Variants in MRPL30 observed in about 807,000 individuals in gnomAD.
The protein encoded by MRPL30 is mitochondrial ribosomal protein L30, also known as large ribosomal subunit protein uL30m.
In MRPL30, 10 loss-of-function variants were observed where a neutral mutation model predicts 17.2. That is an observed-to-expected ratio of 0.58 (90% confidence interval 0.36 to 0.99). The LOEUF (loss-of-function observed/expected upper bound fraction) is 0.99, where lower values mean the gene tolerates loss of function less well. MRPL30 is among the 50% of genes least tolerant of loss of function. The pLI, the probability that MRPL30 is intolerant of heterozygous loss-of-function variation, is 0.01. For missense variants in MRPL30, 170 were observed against 189.8 expected, an observed-to-expected ratio of 0.90 and a Z score of 0.61; for synonymous variants, 61 against 62.1, an observed-to-expected ratio of 0.98 and a Z score of 0.08.
In MRPL30 at chr2:99,196,005, C is replaced by G. The variant is rs771501359; in HGVS notation, c.*300C>G. 3.3e-6 allele frequency: 1 copy of G among 300,802 alleles called. No individual in the cohort carries two copies. 18.6% of individuals were successfully genotyped at this position (300,802 alleles called of 1,614,324 possible). On this transcript the variant is annotated 3_prime_UTR_variant, in exon 6 of 6. Transcript: ENST00000338148. ...CTGAAGCAGGAGAATCACTTGAACC[C>G]GGGAGGCAGAGGTTGCAGTGAGCTG...
chr2:99,190,237 G>T (rs2093942452), intron 3 of MRPL30, among the ~76,000 whole-genome samples: 1 of 152,152 alleles, frequency 6.6e-6, no homozygotes, highest in African/African-American at 2.4e-5. Flanking sequence ...TGACTACTTT[G>T]ATACCTTTAA....
rs2093959475 is a variant in MRPL30 at position 99,199,078 on chromosome 2, T to C, written c.*3373T>C. ...TGAACAAGATTGCTTCTTTGGGAGG[T>C]ACCTTAAAATGAAAAGCAAAGAAAC... On this transcript the variant is annotated 3_prime_UTR_variant, in exon 6 of 6. Transcript: ENST00000338148. Among the ~76,000 whole-genome samples, 1 of 152,104 alleles carries C rather than the reference T, an allele frequency of 6.6e-6. No homozygotes were observed. Among genetic ancestry groups the C allele is most frequent in the Admixed American group, 6.6e-5 (1 of 15,248 alleles).
At position 99,199,041 on chromosome 2, in the gene MRPL30, G is replaced by C. The variant is rs1247779380; in HGVS notation, c.*3336G>C. Among the ~76,000 whole-genome samples, 1 of 152,090 alleles carries C rather than the reference G, an allele frequency of 6.6e-6. No individual in the cohort carries two copies. Among genetic ancestry groups the C allele is most frequent in the African/African-American group, 2.4e-5 (1 of 41,402 alleles). Reference sequence around the variant, plus strand: ...TTGGAACTACACAGGCCATTTTAGGGAGATTTTGACATGAACAAGATTGCT... The same window carrying C: ...TTGGAACTACACAGGCCATTTTAGGCAGATTTTGACATGAACAAGATTGCT... On this transcript the variant is annotated 3_prime_UTR_variant, in exon 6 of 6. Transcript: ENST00000338148.
chr2:99,183,448 G>C (rs1353451694), intron 1 of MRPL30, among the ~76,000 whole-genome samples: 5 of 151,892 alleles, frequency 3.3e-5, no homozygotes, highest in Non-Finnish European at 5.9e-5. Context: ...AGGTGCCTCT[G>C]ATCCCAGCTA....
At chr2:99,181,782 G>A (rs918335327) in intron 1 of MRPL30, among the ~76,000 whole-genome samples, 4 of 152,142 alleles carry the variant, frequency 2.6e-5, no homozygotes, top group Admixed American at 1.3e-4. Context: ...TTGCCAAGAG[G>A]CAGTAATGAG....
chr2:99,191,473 G>C (rs1301894063), intron 3 of MRPL30, among the ~76,000 whole-genome samples: 1 of 152,112 alleles, frequency 6.6e-6, no homozygotes, highest in Non-Finnish European at 1.5e-5. Context: ...TCTTGTATTA[G>C]TTATGTCAGT....
At chr2:99,184,665 G>T (rs2093931083) in intron 1 of MRPL30, among the ~76,000 whole-genome samples, 1 of 152,200 alleles carries the variant, frequency 6.6e-6, no homozygotes, top group Non-Finnish European at 1.5e-5. Context: ...ATTTTGTTGA[G>T]ATCTAAGTGA....
chr2:99,185,302 T>G (rs575597413), intron 1 of MRPL30, among the ~76,000 whole-genome samples: 1 of 152,242 alleles, frequency 6.6e-6, no homozygotes, highest in East Asian at 1.9e-4. Context: ...GTATTCTTAT[T>G]AGCTTTGTAG....
Position 99,186,142 on chromosome 2 carries a change from A to G in MRPL30, c.-27-35A>G, listed in dbSNP as rs372634507. 38 of 1,441,884 alleles carry G rather than the reference A, an allele frequency of 2.6e-5. No individual in the cohort carries two copies. The African/African-American group carries it at 5.1e-4, about 19-fold the overall frequency. 89.3% of individuals were successfully genotyped at this position (1,441,884 alleles called of 1,614,324 possible). On this transcript the variant is annotated intron_variant, in intron 1 of 5. Transcript: ENST00000338148. ...GGAAACCTGTTCATTTCCAAGACAT[A>G]GTTGACTGATGGGTCTACTTCCTAC...
chr2:99,182,726 A>C (rs141450620), intron 1 of MRPL30, among the ~76,000 whole-genome samples: 1 of 152,356 alleles, frequency 6.6e-6, no homozygotes, highest in East Asian at 1.9e-4. Flanking sequence ...CACCTTCAGA[A>C]GTCTGTAAAT....
chr2:99,186,273 G>T lies in MRPL30; in HGVS notation c.51+19G>T. ...ACTACAGGTAAGTGTTTCTTTTCAA[G>T]AATTTGTCTTTTCTACCCCTTATGA... is the stretch of plus-strand genomic sequence containing the variant. On this transcript the variant is annotated intron_variant, in intron 2 of 5. Transcript: ENST00000338148. 1 of 1,612,036 alleles carries T rather than the reference G, an allele frequency of 6.2e-7. No individual in the cohort carries two copies. The highest frequency in any genetic ancestry group is 8.5e-7 in the Non-Finnish European group (1 of 1,178,552).
Position 99,195,750 on chromosome 2 carries a change from A to T in MRPL30, c.*45A>T, listed in dbSNP as rs753925410. On this transcript the variant is annotated 3_prime_UTR_variant, in exon 6 of 6. Coordinates refer to ENST00000338148, the MANE Select transcript of MRPL30 (RefSeq NM_145212.4). Reference sequence around the variant, plus strand: ...TGGAAAATGCAAATTGTTTTTATTTAAAGATGGTGAGAAAGTGTTTTCATT... The same window carrying T: ...TGGAAAATGCAAATTGTTTTTATTTTAAGATGGTGAGAAAGTGTTTTCATT... 1 of 1,605,708 alleles carries T rather than the reference A, an allele frequency of 6.2e-7. No individual in the cohort carries two copies. Among genetic ancestry groups the T allele is most frequent in the African/African-American group, 1.3e-5 (1 of 74,286 alleles).
In MRPL30 at chr2:99,197,097, A is replaced by G. The variant is rs1277632726; in HGVS notation, c.*1392A>G. 1.3e-5 allele frequency: 2 copies of G among 152,196 alleles called. No individual in the cohort carries two copies. The highest frequency in any genetic ancestry group is 1.5e-5 in the Non-Finnish European group (1 of 68,036). The allele number at this position is 152,196 out of a possible 1,614,324, so 9.4% of individuals were successfully genotyped here. On this transcript the variant is annotated 3_prime_UTR_variant, in exon 6 of 6. Transcript: ENST00000338148. ...CAGTTGAGGTTGCTGTTGAAAAGAA[A>G]GAAGAAGGAGGCGGAAATCTCTCAG...
chr2:99,196,851 A>G lies in MRPL30; in HGVS notation c.*1146A>G, dbSNP rs554414022. 1 of 152,222 alleles carries G rather than the reference A, an allele frequency of 6.6e-6. No homozygotes were observed. Among genetic ancestry groups the G allele is most frequent in the African/African-American group, 2.4e-5 (1 of 41,454 alleles). The allele number at this position is 152,222 out of a possible 1,614,324, so 9.4% of individuals were successfully genotyped here. Reference sequence around the variant, plus strand: ...GTGGATATGGGTTCATTTTATCCCTAAACTTAGTACCAAACCAGCATTTAA... The same window carrying G: ...GTGGATATGGGTTCATTTTATCCCTGAACTTAGTACCAAACCAGCATTTAA... On this transcript the variant is annotated 3_prime_UTR_variant, in exon 6 of 6. Transcript: ENST00000338148.
rs1257135802 is a variant in MRPL30, at chr2:99,198,391, T to C, written c.*2686T>C. Among the ~76,000 whole-genome samples, 1 of 152,214 alleles carries C rather than the reference T, an allele frequency of 6.6e-6. No individual in the cohort carries two copies. The highest frequency in any genetic ancestry group is 2.1e-4 in the South Asian group (1 of 4,828). On this transcript the variant is annotated 3_prime_UTR_variant, in exon 6 of 6. Coordinates refer to ENST00000338148, the MANE Select transcript of MRPL30 (RefSeq NM_145212.4). ...GGCAGAATTTGTTTCCTTATGGCTG[T>C]AGGATTCATGGCAAGTTGCTTCTTC...
chr2:99,186,781 T>A (rs1191053963), intron 2 of MRPL30: 8 of 152,272 alleles, frequency 5.3e-5, no homozygotes, highest in Non-Finnish European at 1.2e-4. Flanking sequence ...CTTAAAGTTT[T>A]AGGTTGTTTT....
At chr2:99,191,024 T>G (rs1450811866) in intron 3 of MRPL30, among the ~76,000 whole-genome samples, 1 of 151,808 alleles carries the variant, frequency 6.6e-6, no homozygotes, top group Non-Finnish European at 1.5e-5. Flanking sequence ...TTTTTTTTTT[T>G]GGAGACGGAG....
chr2:99,183,346 A>T (rs1374661399), intron 1 of MRPL30, among the ~76,000 whole-genome samples: 2 of 152,250 alleles, frequency 1.3e-5, no homozygotes, highest in East Asian at 3.9e-4. Context: ...AGGCGGGCGG[A>T]TCACCTGAGG....
In MRPL30 at chr2:99,197,644, AT is replaced by A. The variant is rs1301141381; in HGVS notation, c.*1948del. ...TAGCGCCATCTCTTTTACTGTGCTA[AT>A]TTTTTTTTCTTTAGAGACAGGGTCT... On this transcript the variant is annotated 3_prime_UTR_variant, in exon 6 of 6. Coordinates refer to ENST00000338148, the MANE Select transcript of MRPL30 (RefSeq NM_145212.4). 4 of 151,600 alleles carry A rather than the reference AT, an allele frequency of 2.6e-5. No homozygotes were observed. The highest frequency in any genetic ancestry group is 1.9e-4 in the East Asian group (1 of 5,148). 9.4% of individuals were successfully genotyped at this position (151,600 alleles called of 1,614,324 possible).
Sources: gnomAD v4.1 joint callset for allele counts (sites outside exome capture counted in the v4.1 genomes callset) on GRCh38, gnomAD v4.1.1 for gene constraint, MANE v1.5 for transcripts, NCBI Gene and HGNC (gene_info 2026-07-23, HGNC 2026-07-21) for gene names.